Variants in CHRDL1 observed in about 807,000 individuals in gnomAD.
CHRDL1 encodes the protein chordin like 1.
In CHRDL1, 19 loss-of-function variants were observed where a neutral mutation model predicts 40.9. The observed-to-expected ratio is 0.46, with a 90% CI of 0.32 to 0.68. The LOEUF (loss-of-function observed/expected upper bound fraction) is 0.68, where lower values mean the gene tolerates loss of function less well. CHRDL1 is among the 30% of genes least tolerant of loss of function. The pLI, the probability that CHRDL1 is intolerant of heterozygous loss-of-function variation, is 0.03. For synonymous variants in CHRDL1, 136 were observed against 123.4 expected (o/e 1.10, Z -0.68); for missense variants, 329 against 352.1 (o/e 0.93, Z 0.53).
At chrX:110,772,418 C>A (rs1469997715) in intron 2 of CHRDL1, among the ~76,000 whole-genome samples, 5 of 112,907 alleles carry the variant, frequency 4.4e-5, no homozygotes, top group Non-Finnish European at 7.5e-5. Flanking sequence ...GCAGGCAAAT[C>A]GCTTGAGGCA....
At chrX:110,794,449 AC>A (rs1421952018) in intron 1 of CHRDL1, among the ~76,000 whole-genome samples, 1 of 112,289 alleles carries the variant, frequency 8.9e-6, no homozygotes, top group African/African-American at 3.2e-5. Context: ...AACAACAACA[AC>A]AAAAAAACAA....
At chrX:110,697,701 T>C (rs1207693525) in intron 7 of CHRDL1, among the ~76,000 whole-genome samples, 1 of 108,532 alleles carries the variant, frequency 9.2e-6, no homozygotes, top group Non-Finnish European at 1.9e-5. Context: ...CAACGTAATC[T>C]ACAGGGGGCA....
rs1037640898 is a variant in CHRDL1 at position 110,792,240 on chromosome X, G to T, written c.-34-25C>A. On this transcript the variant is annotated intron_variant, in intron 1 of 11. Transcript: ENST00000372042. ...GCTGTTGGGAAGAAAGCAGAAAAAA[G>T]ACTTAACACAGATCTTCTGGAAATG... 26 of 661,746 alleles carry T rather than the reference G, an allele frequency of 3.9e-5. No individual in the cohort carries two copies. The East Asian group carries it at 8.7e-4, about 22-fold the overall frequency. The allele number at this position is 661,746 out of a possible 1,213,427, so 54.5% of individuals were successfully genotyped here.
chrX:110,785,556 C>G (rs925397486), intron 2 of CHRDL1, among the ~76,000 whole-genome samples: 4 of 111,228 alleles, frequency 3.6e-5, no homozygotes, highest in African/African-American at 1.3e-4. Flanking sequence ...ACTTGTCTCC[C>G]CTAAGTTTAT....
At chrX:110,696,621 T>G (rs1231244245) in intron 7 of CHRDL1, among the ~76,000 whole-genome samples, 1 of 111,496 alleles carries the variant, frequency 9.0e-6, no homozygotes, top group Non-Finnish European at 1.9e-5. Context: ...CAAAGAGAAG[T>G]TCTTTCAGAT....
chrX:110,721,911 G>T (rs1045145310), intron 4 of CHRDL1, among the ~76,000 whole-genome samples: 2 of 112,445 alleles, frequency 1.8e-5, no homozygotes, highest in Non-Finnish European at 3.8e-5. Context: ...CTGAAAGGAA[G>T]GAGTCCATGC....
At position 110,710,654 on chromosome X, in the gene CHRDL1, G is replaced by C. The variant is rs139263574; in HGVS notation, c.541+9181C>G. On this transcript the variant is annotated intron_variant, in intron 6 of 11. Transcript: ENST00000372042. ...AACATGATGACCTTAGAGGGACGGGGTCCTGGGACAGTCAGCAAGTACGTG... is the reference window on the plus strand; with the variant it reads ...AACATGATGACCTTAGAGGGACGGGCTCCTGGGACAGTCAGCAAGTACGTG... Among the ~76,000 whole-genome samples, 5 of 111,940 alleles carry C rather than the reference G, an allele frequency of 4.5e-5. No individual in the cohort carries two copies. In the East Asian group the frequency reaches 1.4e-3, roughly 31 times the overall value.
chrX:110,784,784 G>A (rs1392927007), intron 2 of CHRDL1, among the ~76,000 whole-genome samples: 1 of 111,689 alleles, frequency 9.0e-6, no homozygotes, highest in Non-Finnish European at 1.9e-5. Flanking sequence ...TGGCAGTCAA[G>A]CAAGGTGACA....
chrX:110,708,930 G>A (rs1219837723), intron 6 of CHRDL1, among the ~76,000 whole-genome samples: 1 of 111,343 alleles, frequency 9.0e-6, no homozygotes, highest in Admixed American at 9.6e-5. Context: ...TGTTCCTCCC[G>A]GTAGCCTCAG....
At chrX:110,783,271 G>A (rs2089972433) in intron 2 of CHRDL1, among the ~76,000 whole-genome samples, 2 of 111,498 alleles carry the variant, frequency 1.8e-5, no homozygotes, top group African/African-American at 6.5e-5. Flanking sequence ...GGGGTTACAG[G>A]CACCTGCCAC....
intron 2 of CHRDL1, among the ~76,000 whole-genome samples, chrX:110,763,801 T>C (rs1311468487): frequency 8.9e-6 from 1 of 111,789 alleles, no homozygotes; most frequent in Non-Finnish European, 1.9e-5. Context: ...TTTAATTATT[T>C]AAGGAATCTC....
At chrX:110,683,797 G>T (rs765536264) in intron 9 of CHRDL1, among the ~76,000 whole-genome samples, 155 of 111,462 alleles carry the variant, frequency 1.4e-3, no homozygotes, top group African/African-American at 5.0e-3. Context: ...TGAGTTTTGG[G>T]TTAGATGAAG....
At chrX:110,689,061 A>AATATACATATATATAAATATAT (rs2070088608) in intron 8 of CHRDL1, among the ~76,000 whole-genome samples, 1 of 76,250 alleles carries the variant, frequency 1.3e-5, no homozygotes, top group African/African-American at 4.6e-5. Flanking sequence ...GCAGTCCATA[A>AATATACATATATATAAATATAT]ATATATATAT....
At chrX:110,731,952 C>G (rs1237790893) in intron 4 of CHRDL1, among the ~76,000 whole-genome samples, 1 of 107,292 alleles carries the variant, frequency 9.3e-6, no homozygotes, top group African/African-American at 3.5e-5. Context: ...GTGAATTTTA[C>G]AGTATGTAAA....
chrX:110,783,831 A>G (rs935667930), intron 2 of CHRDL1, among the ~76,000 whole-genome samples: 3 of 112,231 alleles, frequency 2.7e-5, no homozygotes, highest in Non-Finnish European at 3.8e-5. Context: ...TGTTTTGCCA[A>G]TCATTACTGA....
intron 3 of CHRDL1, among the ~76,000 whole-genome samples, chrX:110,761,868 A>G (rs1820938524): frequency 1.8e-5 from 2 of 112,407 alleles, no homozygotes; most frequent in African/African-American, 3.2e-5. Flanking sequence ...TCCTTTCTAA[A>G]TGACTGGACA....
intron 4 of CHRDL1, among the ~76,000 whole-genome samples, chrX:110,731,061 G>A (rs1351574817): frequency 2.7e-5 from 3 of 111,083 alleles, no homozygotes; most frequent in Non-Finnish European, 5.7e-5. Context: ...TTGCTTCTGC[G>A]ATGGTAGAGC....
At chrX:110,677,446 C>T (rs181995742) in intron 11 of CHRDL1, among the ~76,000 whole-genome samples, 228 of 111,685 alleles carry the variant, frequency 2.0e-3, no homozygotes, top group African/African-American at 7.2e-3. Context: ...CTTTCAGCTA[C>T]ACACAGTTTG....
At chrX:110,752,650 T>C (rs1233757638) in intron 4 of CHRDL1, among the ~76,000 whole-genome samples, 1 of 111,181 alleles carries the variant, frequency 9.0e-6, no homozygotes, top group Non-Finnish European at 1.9e-5. Flanking sequence ...TGGACCCATA[T>C]ATATATATAT....
Sources: gnomAD v4.1 joint callset for allele counts (sites outside exome capture counted in the v4.1 genomes callset) on GRCh38, gnomAD v4.1.1 for gene constraint, MANE v1.5 for transcripts, NCBI Gene and HGNC (gene_info 2026-07-23, HGNC 2026-07-21) for gene names.